The following DNAJC1 variants were observed in gnomAD, a reference collection of about 807,000 sequenced individuals.
The protein encoded by DNAJC1 is dnaJ homolog subfamily C member 1.
DNAJC1 carries 58 observed loss-of-function variants against 76.6 expected under a neutral mutation model. The observed-to-expected ratio is 0.76, with a 90% CI of 0.61 to 0.94. The LOEUF (loss-of-function observed/expected upper bound fraction) is 0.94, where lower values mean the gene tolerates loss of function less well. Ranked by LOEUF, DNAJC1 falls within the 40% of genes least tolerant of loss-of-function variation. DNAJC1 has a pLI of 0.00. For synonymous variants in DNAJC1, 258 were observed against 267.9 expected, an observed-to-expected ratio of 0.96 and a Z score of 0.36; for missense variants, 689 against 677.3, an observed-to-expected ratio of 1.02 and a Z score of -0.19.
At chr10:21,947,057 C>G (rs1246860708) in intron 1 of DNAJC1, among the ~76,000 whole-genome samples, 1 of 152,142 alleles carries the variant, frequency 6.6e-6, no homozygotes, top group Non-Finnish European at 1.5e-5. Context: ...AGCTCCAGAA[C>G]TGTAAGAAAG....
chr10:21,808,830 C>A (rs1834922004), intron 8 of DNAJC1, among the ~76,000 whole-genome samples: 1 of 152,194 alleles, frequency 6.6e-6, no homozygotes. Flanking sequence ...ATATTCATCT[C>A]TACAGTAAAG....
At chr10:21,785,807 T>C (rs978929264) in intron 9 of DNAJC1, among the ~76,000 whole-genome samples, 1 of 151,902 alleles carries the variant, frequency 6.6e-6, no homozygotes, top group Non-Finnish European at 1.5e-5. Context: ...TGAAAAAAGA[T>C]GGAAAAGGAG....
intron 8 of DNAJC1, among the ~76,000 whole-genome samples, chr10:21,819,102 T>A (rs961971276): frequency 1.3e-5 from 2 of 152,152 alleles, no homozygotes; most frequent in Non-Finnish European, 2.9e-5. Flanking sequence ...AATAAAAGTT[T>A]GGTTTTAAAA....
At chr10:21,921,711 C>T (rs1837044871) in intron 3 of DNAJC1, among the ~76,000 whole-genome samples, 1 of 151,924 alleles carries the variant, frequency 6.6e-6, no homozygotes, top group African/African-American at 2.4e-5. Context: ...TTTCCTAGTC[C>T]TTTAAAAAGC....
At chr10:21,885,172 A>C (rs1286999807) in intron 7 of DNAJC1, among the ~76,000 whole-genome samples, 1 of 152,206 alleles carries the variant, frequency 6.6e-6, no homozygotes, top group Non-Finnish European at 1.5e-5. Flanking sequence ...ATGAAGGGAA[A>C]ACTACCAAGC....
intron 7 of DNAJC1, among the ~76,000 whole-genome samples, chr10:21,903,067 C>T (rs1311789104): frequency 3.3e-5 from 5 of 152,050 alleles, no homozygotes; most frequent in Admixed American, 6.6e-5. Context: ...GATGGGATTA[C>T]AGGTGTCCGC....
chr10:21,767,879 C>G (rs1173201237), intron 9 of DNAJC1, among the ~76,000 whole-genome samples: 1 of 152,076 alleles, frequency 6.6e-6, no homozygotes. Context: ...CCTGTAATCC[C>G]AGCTATTTGG....
intron 9 of DNAJC1, among the ~76,000 whole-genome samples, chr10:21,798,021 A>C (rs1834767801): frequency 1.3e-5 from 2 of 152,234 alleles, no homozygotes; most frequent in Admixed American, 6.5e-5. Context: ...TCATGCATGT[A>C]CATAGCTTTT....
Position 21,794,688 on chromosome 10 carries a change from A to G in DNAJC1, c.1098+11292T>C, listed in dbSNP as rs181139900. On this transcript the variant is annotated intron_variant, in intron 9 of 11. Coordinates refer to ENST00000376980, the MANE Select transcript of DNAJC1 (RefSeq NM_022365.4). ...GTTCTTAGGTATAACACTAAAAAGC[A>G]TAATCTATAAAAGAAAAAAATTGAT... Among the ~76,000 whole-genome samples, 985 of 152,314 alleles carry G rather than the reference A, an allele frequency of 6.5e-3. 2 individuals are homozygous for G. Among genetic ancestry groups the G allele is most frequent in the Admixed American group, 0.013 (195 of 15,292 alleles).
chr10:21,782,609 T>G (rs1345419533), intron 9 of DNAJC1, among the ~76,000 whole-genome samples: 1 of 152,118 alleles, frequency 6.6e-6, no homozygotes, highest in Non-Finnish European at 1.5e-5. Context: ...AAAAGAGAAT[T>G]TTAGACCAAT....
intron 8 of DNAJC1, among the ~76,000 whole-genome samples, chr10:21,870,231 T>C (rs1192555031): frequency 6.6e-6 from 1 of 152,052 alleles, no homozygotes; most frequent in Non-Finnish European, 1.5e-5. Flanking sequence ...AAATAAATAT[T>C]TGATAATACT....
At chr10:21,889,125 C>T (rs1241473831) in intron 7 of DNAJC1, among the ~76,000 whole-genome samples, 1 of 152,092 alleles carries the variant, frequency 6.6e-6, no homozygotes, top group Non-Finnish European at 1.5e-5. Context: ...AATGCTTCTG[C>T]CTCTGGGGAA....
intron 8 of DNAJC1, among the ~76,000 whole-genome samples, chr10:21,846,793 C>T (rs780293138): frequency 2.2e-4 from 34 of 151,696 alleles, no homozygotes; most frequent in Admixed American, 5.3e-4. Flanking sequence ...CATTTTACAA[C>T]ACAAAATAAT....
rs35139543 is a variant in DNAJC1, at chr10:21,902,863, G to A, written c.820+1659C>T. Among the ~76,000 whole-genome samples the A allele has an allele frequency of 3.3e-3, 502 of 152,138 alleles. 2 individuals carry two copies. The highest frequency in any genetic ancestry group is 0.012 in the African/African-American group (487 of 41,494). Reference sequence around the variant, plus strand: ...TAGAAATGATAAGCTGTGTCCATGAGAGCAATCAAATGTAGTGTATTCACG... The same window carrying A: ...TAGAAATGATAAGCTGTGTCCATGAAAGCAATCAAATGTAGTGTATTCACG... On this transcript the variant is annotated intron_variant, in intron 7 of 11. Transcript: ENST00000376980.
In DNAJC1 at chr10:21,904,986, T is replaced by A. The variant is rs114327800; in HGVS notation, c.730-374A>T. Reference sequence around the variant, plus strand: ...AATTATATTACTGTGACTAACAAAGTACTACTGCTATTTTCATATTAGCCC... The same window carrying A: ...AATTATATTACTGTGACTAACAAAGAACTACTGCTATTTTCATATTAGCCC... On this transcript the variant is annotated intron_variant, in intron 6 of 11. Coordinates refer to ENST00000376980, the MANE Select transcript of DNAJC1 (RefSeq NM_022365.4). Among the ~76,000 whole-genome samples the A allele has an allele frequency of 5.3e-5, 8 of 152,240 alleles. No individual in the cohort carries two copies. The East Asian group carries it at 1.5e-3, about 29-fold the overall frequency.
intron 1 of DNAJC1, among the ~76,000 whole-genome samples, chr10:21,976,820 T>TA (rs1191126794): frequency 6.6e-6 from 1 of 152,174 alleles, no homozygotes; most frequent in Admixed American, 6.5e-5. Context: ...GTGGCCATGT[T>TA]AAAATCAGTG....
At position 21,849,431 on chromosome 10, in the gene DNAJC1, T is replaced by C. The variant is rs1311320545; in HGVS notation, c.978+32851A>G. On this transcript the variant is annotated intron_variant, in intron 8 of 11. Coordinates refer to ENST00000376980, the MANE Select transcript of DNAJC1 (RefSeq NM_022365.4). Reference sequence around the variant, plus strand: ...AAAGCTAGCAAAAGGAAGGAAATAATAAAAATGAAATAGAGAACAGATAAA... The same window carrying C: ...AAAGCTAGCAAAAGGAAGGAAATAACAAAAATGAAATAGAGAACAGATAAA... Among the ~76,000 whole-genome samples the C allele has an allele frequency of 2.9e-5, 4 of 136,850 alleles. No individual in the cohort carries two copies. The Admixed American group carries it at 2.9e-4, about 10-fold the overall frequency. The allele number at this position is 136,850 out of a possible 152,430, so 89.8% of individuals were successfully genotyped here. A position where few individuals can be genotyped will look rare whatever the true frequency, so the allele number is the denominator to read the frequency against.
At position 21,767,595 on chromosome 10, in the gene DNAJC1, T is replaced by C. The variant is rs540239134; in HGVS notation, c.1099-1286A>G. ...GAGCCACTGCACTTGGCTTTCTTTT[T>C]TAAAATTGAGATAAAATTTACAGAG... On this transcript the variant is annotated intron_variant, in intron 9 of 11. Coordinates refer to ENST00000376980, the MANE Select transcript of DNAJC1 (RefSeq NM_022365.4). 1.8e-4 allele frequency among the ~76,000 whole-genome samples: 27 copies of C among 152,308 alleles called. No homozygotes were observed. In the South Asian group the frequency reaches 5.2e-3, roughly 29 times the overall value.
chr10:21,811,465 G>T (rs1834964762), intron 8 of DNAJC1, among the ~76,000 whole-genome samples: 1 of 152,308 alleles, frequency 6.6e-6, no homozygotes, highest in Middle Eastern at 3.4e-3. Context: ...GTCTCCCACA[G>T]ACTCCTTAAC....
Sources: allele counts gnomAD v4.1 joint callset (sites outside exome capture counted in the v4.1 genomes callset), GRCh38; gene constraint gnomAD v4.1.1; transcripts MANE v1.5; gene names NCBI Gene and HGNC (gene_info 2026-07-23, HGNC 2026-07-21).